Variants in DTNA observed in about 807,000 individuals in gnomAD.
DTNA encodes the protein dystrobrevin alpha, also known as dystrophin-related protein 3.
Under a neutral mutation model 100.7 loss-of-function variants are expected in DTNA, and 43 were observed. That is an observed-to-expected ratio of 0.43 (90% CI 0.33 to 0.55). DTNA has a LOEUF of 0.55. Among genes scored for constraint, DTNA ranks in the 20% least tolerant of loss-of-function variants. The probability of loss-of-function intolerance (pLI) is 0.04; values close to 1 mark genes in which losing one functional copy is unlikely to be tolerated. For missense variants in DTNA, 798 were observed against 953.9 expected, an observed-to-expected ratio of 0.84 and a Z score of 2.15; for synonymous variants, 349 against 347.9, an observed-to-expected ratio of 1.00 and a Z score of -0.04.
At chr18:34,708,330 T>C (rs2082367038), upstream of DTNA, 1 of 152,232 alleles carries the variant, frequency 6.6e-6, no homozygotes, top group Non-Finnish European at 1.5e-5. Context: ...GTATATAATT[T>C]ATATTTTAAA....
intron 3 of DTNA, among the ~76,000 whole-genome samples, chr18:34,786,538 A>G (rs958596626): frequency 6.6e-6 from 1 of 152,186 alleles, no homozygotes; most frequent in African/African-American, 2.4e-5. Context: ...AAAACAAGTC[A>G]TAACAGAAAC....
At chr18:34,570,342 C>T (rs1274782548) in intron 1 of DTNA, among the ~76,000 whole-genome samples, 1 of 152,178 alleles carries the variant, frequency 6.6e-6, no homozygotes. Context: ...TTACTACTCT[C>T]TGAAAGCAGC....
intron 1 of DTNA, among the ~76,000 whole-genome samples, chr18:34,525,333 C>T (rs141585848): frequency 2.0e-3 from 300 of 152,144 alleles, no homozygotes; most frequent in African/African-American, 7.1e-3. Flanking sequence ...CCTCTGCTAC[C>T]ATTCGTTTCT....
chr18:34,866,546 C>A, intron 17 of DTNA: 1 of 1,088,318 alleles, frequency 9.2e-7, no homozygotes, highest in Non-Finnish European at 1.1e-6. Flanking sequence ...AGAAGCTAAC[C>A]TCTACACCCA....
intron 17 of DTNA, chr18:34,866,992 C>CAAATTAAATT (rs1568846630): frequency 7.0e-6 from 8 of 1,148,686 alleles, no homozygotes; most frequent in East Asian, 3.9e-5. Flanking sequence ...AAAAAAAAAA[C>CAAATTAAATT]AAATTAAATT....
intron 4 of DTNA, among the ~76,000 whole-genome samples, chr18:34,794,631 T>C (rs2094892041): frequency 6.6e-6 from 1 of 152,204 alleles, no homozygotes; most frequent in South Asian, 2.1e-4. Context: ...ACAGTGTTTC[T>C]GAGGTGTCCT....
chr18:34,716,783 A>G (rs1289008301), intron 1 of DTNA, among the ~76,000 whole-genome samples: 1 of 152,164 alleles, frequency 6.6e-6, no homozygotes, highest in Admixed American at 6.5e-5. Flanking sequence ...AATAATGTTA[A>G]AGAGTAGAAA....
chr18:34,737,325 T>C (rs2089805216), intron 1 of DTNA, among the ~76,000 whole-genome samples: 1 of 152,212 alleles, frequency 6.6e-6, no homozygotes, highest in South Asian at 2.1e-4. Context: ...AAAATTACTT[T>C]GTAAAGTGAT....
At chr18:34,552,318 A>G (rs1300511666) in intron 1 of DTNA, among the ~76,000 whole-genome samples, 1 of 152,088 alleles carries the variant, frequency 6.6e-6, no homozygotes, top group African/African-American at 2.4e-5. Context: ...CCTGAGTTAT[A>G]GATCACTATG....
intron 1 of DTNA, among the ~76,000 whole-genome samples, chr18:34,584,481 T>C (rs1482116099): frequency 6.6e-6 from 1 of 152,066 alleles, no homozygotes; most frequent in African/African-American, 2.4e-5. Context: ...TTCTTAAAAA[T>C]TAAAAATGTT....
intron 1 of DTNA, among the ~76,000 whole-genome samples, chr18:34,529,705 GT>G (rs969397685): frequency 1.4e-4 from 22 of 152,230 alleles, no homozygotes; most frequent in Non-Finnish European, 2.6e-4. Context: ...TATTTTTATA[GT>G]TTTTTAATGT....
At chr18:34,676,421 G>A (rs942075936) in intron 1 of DTNA, among the ~76,000 whole-genome samples, 2 of 152,136 alleles carry the variant, frequency 1.3e-5, no homozygotes, top group Admixed American at 1.3e-4. Flanking sequence ...GCTTTTCTGG[G>A]AGCTTAGTAA....
At chr18:34,706,808 A>G (rs1269399913), upstream of DTNA, among the ~76,000 whole-genome samples, 1 of 152,190 alleles carries the variant, frequency 6.6e-6, no homozygotes, top group African/African-American at 2.4e-5. Flanking sequence ...GTTCTTTCAT[A>G]AGAAATTTTT....
chr18:34,794,337 A>T, intron 4 of DTNA, 87 bp downstream of exon 4: 70 of 1,436,174 alleles, frequency 4.9e-5, no homozygotes, highest in South Asian at 3.3e-4. Context: ...ACAATTTTAT[A>T]TCTCTCTCTT....
At chr18:34,701,668 C>A (rs1406154213) in intron 1 of DTNA, among the ~76,000 whole-genome samples, 1 of 152,182 alleles carries the variant, frequency 6.6e-6, no homozygotes, top group Non-Finnish European at 1.5e-5. Context: ...TCATTACATT[C>A]CCTCAGCGCA....
intron 1 of DTNA, among the ~76,000 whole-genome samples, chr18:34,684,966 A>G (rs907040382): frequency 2.0e-5 from 3 of 152,200 alleles, no homozygotes; most frequent in Non-Finnish European, 4.4e-5. Flanking sequence ...ATGTCTGTTC[A>G]TATCACTTGC....
At chr18:34,859,891 T>C (rs1369023121) in intron 16 of DTNA, among the ~76,000 whole-genome samples, 1 of 152,230 alleles carries the variant, frequency 6.6e-6, no homozygotes, top group Non-Finnish European at 1.5e-5. Context: ...GACTAGCTTC[T>C]TACCATGCCT....
chr18:34,720,157 A>C (rs142088641), intron 1 of DTNA, among the ~76,000 whole-genome samples: 3 of 152,234 alleles, frequency 2.0e-5, no homozygotes, highest in African/African-American at 7.2e-5. Context: ...ACAAAGTCAA[A>C]GTCAAGCAGG....
intron 8 of DTNA, chr18:34,818,633 A>C: frequency 8.4e-7 from 1 of 1,183,886 alleles, no homozygotes; most frequent in Non-Finnish European, 1.1e-6. Context: ...TCTGGAACAT[A>C]ATCTTACATT....
Sources: gnomAD v4.1 joint callset for allele counts (sites outside exome capture counted in the v4.1 genomes callset) on GRCh38, gnomAD v4.1.1 for gene constraint, MANE v1.5 for transcripts, NCBI Gene and HGNC (gene_info 2026-07-23, HGNC 2026-07-21) for gene names.